Variants in MTMR9 observed in about 807,000 individuals in gnomAD.
MTMR9 encodes the protein myotubularin related protein 9.
Under a neutral mutation model 69.5 loss-of-function variants are expected in MTMR9, and 39 were observed. That is an observed-to-expected ratio of 0.56 (90% CI 0.43 to 0.73). The LOEUF (loss-of-function observed/expected upper bound fraction) is 0.73. MTMR9 is among the 30% of genes least tolerant of loss of function. The probability of loss-of-function intolerance (pLI) is 0.00; values close to 1 mark genes in which losing one functional copy is unlikely to be tolerated. For synonymous variants in MTMR9, 354 were observed against 240.8 expected (o/e 1.47, Z -4.35); for missense variants, 900 against 671.2 (o/e 1.34, Z -3.77).
At chr8:11,297,038 A>G (rs1799585792) in intron 2 of MTMR9, among the ~76,000 whole-genome samples, 1 of 152,162 alleles carries the variant, frequency 6.6e-6, no homozygotes, top group African/African-American at 2.4e-5. Context: ...ATTTTAAACT[A>G]TTGCCACTAA....
chr8:11,325,578 A>G lies in MTMR9; in HGVS notation c.*2790A>G, dbSNP rs1800893823. On this transcript the variant is annotated 3_prime_UTR_variant, in exon 10 of 10. Coordinates refer to ENST00000221086, the MANE Select transcript of MTMR9 (RefSeq NM_015458.4). ...ACAGGAGATACGTAAAGTAGGCCCCACAAATAATATTTTTAAAATACAAAG... is the reference window on the plus strand; with the variant it reads ...ACAGGAGATACGTAAAGTAGGCCCCGCAAATAATATTTTTAAAATACAAAG... The G allele has an allele frequency of 6.6e-6, 1 of 152,180 alleles. No individual in the cohort carries two copies. Among genetic ancestry groups the G allele is most frequent in the East Asian group, 1.9e-4 (1 of 5,198 alleles). The allele number at this position is 152,180 out of a possible 1,614,324, so 9.4% of individuals were successfully genotyped here.
intron 5 of MTMR9, among the ~76,000 whole-genome samples, chr8:11,307,802 T>C (rs992665901): frequency 3.3e-5 from 5 of 152,256 alleles, no homozygotes; most frequent in African/African-American, 1.2e-4. Flanking sequence ...TGATGAGTGA[T>C]GCAGAGCATT....
chr8:11,299,743 T>A (rs1031166452), intron 2 of MTMR9, among the ~76,000 whole-genome samples: 1 of 152,248 alleles, frequency 6.6e-6, no homozygotes, highest in Non-Finnish European at 1.5e-5. Flanking sequence ...TTATTTCATT[T>A]TTCTTCTAGA....
intron 3 of MTMR9, among the ~76,000 whole-genome samples, chr8:11,301,910 C>T (rs1799759862): frequency 6.6e-6 from 1 of 152,050 alleles, no homozygotes; most frequent in Admixed American, 6.6e-5. Context: ...TAGACACATG[C>T]ATGCTTAATA....
At chr8:11,313,066 G>A (rs1015669225) in intron 6 of MTMR9, among the ~76,000 whole-genome samples, 2 of 152,236 alleles carry the variant, frequency 1.3e-5, no homozygotes, top group African/African-American at 2.4e-5. Flanking sequence ...AGTAGATTTA[G>A]TGTAACCCTT....
At chr8:11,329,667 C>T (rs1801116546), downstream of MTMR9, among the ~76,000 whole-genome samples, 1 of 152,252 alleles carries the variant, frequency 6.6e-6, no homozygotes, top group Admixed American at 6.5e-5. Flanking sequence ...CTCGCTACAA[C>T]CTCCACCTCC....
chr8:11,321,423 A>G (rs1359648705), intron 9 of MTMR9: 1 of 456,292 alleles, frequency 2.2e-6, no homozygotes, highest in Non-Finnish European at 4.4e-6. Context: ...AAATGAGCGT[A>G]GCTGTTTGGG....
At chr8:11,313,854 C>T (rs1193624203) in intron 6 of MTMR9, among the ~76,000 whole-genome samples, 1 of 152,154 alleles carries the variant, frequency 6.6e-6, no homozygotes, top group Non-Finnish European at 1.5e-5. Context: ...ATATTGTGAG[C>T]ATTACTAAAA....
downstream of MTMR9, among the ~76,000 whole-genome samples, chr8:11,329,658 T>TC (rs1801116302): frequency 6.6e-6 from 1 of 152,228 alleles, no homozygotes; most frequent in Non-Finnish European, 1.5e-5. Flanking sequence ...TGATCTCGGC[T>TC]CGCTACAACC....
chr8:11,287,488 T>C (rs1469315251), intron 1 of MTMR9, among the ~76,000 whole-genome samples: 1 of 151,712 alleles, frequency 6.6e-6, no homozygotes, highest in East Asian at 1.9e-4. Context: ...TGAAAGAGCA[T>C]AGGGGAGGCA....
At chr8:11,330,145 G>C (rs549249157), downstream of MTMR9, among the ~76,000 whole-genome samples, 20 of 151,946 alleles carry the variant, frequency 1.3e-4, no homozygotes, top group East Asian at 3.9e-3. Context: ...CCGTCCGGGA[G>C]GGAGGTCGGG....
At chr8:11,337,905 C>G in the MTMR9 span, among the ~76,000 whole-genome samples, 1 of 152,212 alleles carries the variant, frequency 6.6e-6, no homozygotes, top group South Asian at 2.1e-4. Context: ...ACTGCCACCA[C>G]CTCTCAAGGA....
At chr8:11,295,066 A>C (rs569409131) in intron 1 of MTMR9, 128 bp from the exon 2 acceptor site, 21 of 544,750 alleles carry the variant, frequency 3.9e-5, no homozygotes, top group South Asian at 1.4e-4. Context: ...CTTCTTCCTT[A>C]ATTAGACTGA....
At chr8:11,301,207 T>A (rs1010041109) in intron 3 of MTMR9, among the ~76,000 whole-genome samples, 8 of 152,334 alleles carry the variant, frequency 5.3e-5, no homozygotes, top group African/African-American at 1.9e-4. Flanking sequence ...AATTTAAATA[T>A]ATAAGTTTAT....
chr8:11,309,715 C>A (rs574801208), intron 6 of MTMR9, 27 bp downstream of exon 6: 1 of 1,607,734 alleles, frequency 6.2e-7, no homozygotes, highest in Non-Finnish European at 8.5e-7. Context: ...CGTTCCTGAG[C>A]GAAACATGGC....
intron 1 of MTMR9, among the ~76,000 whole-genome samples, chr8:11,290,648 T>C (rs80157680): frequency 0.041 from 6,306 of 152,192 alleles, 453 homozygotes; most frequent in African/African-American, 0.14. Flanking sequence ...CCTATTTTTC[T>C]CCATAGAGCA....
downstream of MTMR9, among the ~76,000 whole-genome samples, chr8:11,330,520 G>GT (rs1365453258): frequency 6.6e-6 from 1 of 152,216 alleles, no homozygotes; most frequent in Non-Finnish European, 1.5e-5. Flanking sequence ...GATTGTTGCT[G>GT]TGTCTGTGTA....
intron 1 of MTMR9, among the ~76,000 whole-genome samples, chr8:11,288,848 C>T (rs1009357816): frequency 2.6e-5 from 4 of 152,158 alleles, no homozygotes; most frequent in African/African-American, 9.7e-5. Context: ...AAGCAGCAGG[C>T]CCAGCTTGGA....
chr8:11,317,476 C>A (rs1800473525), intron 8 of MTMR9: 1 of 152,178 alleles, frequency 6.6e-6, no homozygotes. Context: ...CTAGATTCCC[C>A]ACATGCGCAG....
Sources: gnomAD v4.1 joint callset for allele counts (sites outside exome capture counted in the v4.1 genomes callset) on GRCh38, gnomAD v4.1.1 for gene constraint, MANE v1.5 for transcripts, NCBI Gene and HGNC (gene_info 2026-07-23, HGNC 2026-07-21) for gene names.